Variants in PPFIA1 observed in about 807,000 individuals in gnomAD.
PPFIA1 encodes liprin-alpha-1.
A neutral mutation model predicts 149.9 loss-of-function variants in PPFIA1; 25 were observed. That is an observed-to-expected ratio of 0.17 (90% CI 0.12 to 0.23). PPFIA1 has a LOEUF of 0.23. Ranked by LOEUF, PPFIA1 falls within the 10% of genes least tolerant of loss-of-function variation. The pLI, the probability that PPFIA1 is intolerant of heterozygous loss-of-function variation, is 1.00. For synonymous variants in PPFIA1, 549 were observed against 552.8 expected, an observed-to-expected ratio of 0.99 and a Z score of 0.10; for missense variants, 1,362 against 1,506.5, an observed-to-expected ratio of 0.90 and a Z score of 1.59.
At chr11:70,283,950 A>C (rs1374906419) in intron 2 of PPFIA1, 2 of 519,722 alleles carry the variant, frequency 3.8e-6, no homozygotes, top group African/African-American at 3.9e-5. Context: ...ATAAAGAATC[A>C]GAAGCTTTTC....
chr11:70,363,574 C>T (rs942543542), intron 21 of PPFIA1, among the ~76,000 whole-genome samples: 6 of 152,108 alleles, frequency 3.9e-5, no homozygotes, highest in Non-Finnish European at 8.8e-5. Context: ...AGTGCAGTGG[C>T]TCAATCGTAG....
intron 2 of PPFIA1, among the ~76,000 whole-genome samples, chr11:70,290,204 T>G (rs2051433086): frequency 6.6e-6 from 1 of 152,030 alleles, no homozygotes; most frequent in Non-Finnish European, 1.5e-5. Context: ...CACTCCAGCC[T>G]GGGTGATAGA....
At chr11:70,277,402 T>C (rs993072759) in intron 2 of PPFIA1, among the ~76,000 whole-genome samples, 2 of 152,174 alleles carry the variant, frequency 1.3e-5, no homozygotes. Context: ...TTTATTTAGA[T>C]TTATCCTCTT....
chr11:70,353,125 C>T (rs1408001354), intron 16 of PPFIA1, among the ~76,000 whole-genome samples: 2 of 152,162 alleles, frequency 1.3e-5, no homozygotes, highest in African/African-American at 4.8e-5. Flanking sequence ...GAGCACAGCT[C>T]CATTTTGCAT....
chr11:70,274,061 G>A (rs555844908), intron 2 of PPFIA1, among the ~76,000 whole-genome samples: 1 of 152,278 alleles, frequency 6.6e-6, no homozygotes, highest in African/African-American at 2.4e-5. Flanking sequence ...TAGTTCAGTG[G>A]ATAACATGAT....
intron 2 of PPFIA1, among the ~76,000 whole-genome samples, chr11:70,277,777 A>G (rs1432999092): frequency 6.6e-6 from 1 of 152,114 alleles, no homozygotes; most frequent in Non-Finnish European, 1.5e-5. Context: ...GATGTGAGCC[A>G]CTGCGCCCAG....
chr11:70,343,766 A>G lies in PPFIA1; in HGVS notation c.1805A>G (p.Asp602Gly). The G allele has an allele frequency of 6.2e-7, 1 of 1,614,206 alleles. No homozygotes were observed. The change falls in exon 15 of 28, where the codon GAT becomes GGT. Residue 602 changes from aspartate (D) to glycine (G), a missense_variant. Coordinates refer to ENST00000253925, the MANE Select transcript of PPFIA1 (RefSeq NM_003626.5). ...QAFESDADVS[D>G]GEDDRDTLLS... is the part of the protein sequence containing the mutation. ...TTCGAGAGTGATGCTGACGTGTCTG[A>G]TGGTGAAGATGACAGGGACACTCTC...
At chr11:70,280,230 G>T (rs916865001) in intron 2 of PPFIA1, among the ~76,000 whole-genome samples, 1 of 147,376 alleles carries the variant, frequency 6.8e-6, no homozygotes, top group Non-Finnish European at 1.5e-5. Context: ...ATATATATAC[G>T]TACATACATA....
At chr11:70,297,284 T>C (rs1391935045) in intron 2 of PPFIA1, among the ~76,000 whole-genome samples, 1 of 152,052 alleles carries the variant, frequency 6.6e-6, no homozygotes, top group Non-Finnish European at 1.5e-5. Context: ...TGGTGCGTGC[T>C]TGTAGTCCCA....
intron 15 of PPFIA1, among the ~76,000 whole-genome samples, chr11:70,347,786 G>A (rs1475209847): frequency 5.3e-5 from 8 of 152,006 alleles, no homozygotes; most frequent in Non-Finnish European, 1.2e-4. Context: ...GGCGGATCAC[G>A]AGGTTGGAAG....
intron 11 of PPFIA1, 56 bp downstream of exon 11, chr11:70,335,750 C>T (rs1341119227): frequency 6.3e-7 from 1 of 1,596,126 alleles, no homozygotes; most frequent in Non-Finnish European, 8.6e-7. Context: ...CAAAAGATTG[C>T]TCATCTGCCC....
rs1378669202 is a variant in PPFIA1, at chr11:70,326,309, T to A, written c.654T>A (p.Asp218Glu). The A allele has an allele frequency of 1.2e-6, 2 of 1,609,988 alleles. No individual in the cohort carries two copies. Among genetic ancestry groups the A allele is most frequent in the Non-Finnish European group, 1.7e-6 (2 of 1,177,472 alleles). Residue 218 changes from aspartate to glutamate, a missense_variant, in exon 6 of 28, where the codon GAT (aspartate) becomes GAA (glutamate). By Grantham distance (45) the Asp-to-Glu change is conservative (BLOSUM62 2). Coordinates refer to ENST00000253925, the MANE Select transcript of PPFIA1 (RefSeq NM_003626.5). ...ATAATCAGAAAAAAACTCTAACAGATGGAGTGCTGGACATAAACCATGAAC... is the reference window on the plus strand; with the variant it reads ...ATAATCAGAAAAAAACTCTAACAGAAGGAGTGCTGGACATAAACCATGAAC... Reference protein sequence around the residue: ...EQNNQKKTLTDGVLDINHEQE... With the variant: ...EQNNQKKTLTEGVLDINHEQE...
chr11:70,292,593 G>A (rs2051611650), intron 2 of PPFIA1, among the ~76,000 whole-genome samples: 1 of 152,186 alleles, frequency 6.6e-6, no homozygotes, highest in Non-Finnish European at 1.5e-5. Flanking sequence ...ACCGTCCAGG[G>A]GCTGGGTATA....
chr11:70,359,292 GC>G (rs1255419832), intron 19 of PPFIA1, among the ~76,000 whole-genome samples: 1 of 152,182 alleles, frequency 6.6e-6, no homozygotes, highest in Non-Finnish European at 1.5e-5. Context: ...GGGATTACAG[GC>G]ATGAGCCACC....
At chr11:70,282,918 C>T (rs1357715130) in intron 2 of PPFIA1, among the ~76,000 whole-genome samples, 7 of 148,246 alleles carry the variant, frequency 4.7e-5, no homozygotes, top group Admixed American at 2.1e-4. Context: ...CAGCTCACTG[C>T]AACCTCCATG....
rs754935628 is a variant in PPFIA1, at chr11:70,354,381, C to G, written c.2244C>G (p.Ala748=). 1 of 1,614,084 alleles carries G rather than the reference C, an allele frequency of 6.2e-7. No individual in the cohort carries two copies. Among genetic ancestry groups the G allele is most frequent in the East Asian group, 2.2e-5 (1 of 44,850 alleles). The change falls in exon 17 of 28, where the codon GCC becomes GCG. Residue 748 remains alanine (A), a synonymous_variant. Coordinates refer to ENST00000253925, the MANE Select transcript of PPFIA1 (RefSeq NM_003626.5). ...CCTCCCCGCCTTCCTCCCCGAGAGCCCTTCGGTTAGACCGGCTGCACAAAG... is the reference window on the plus strand; with the variant it reads ...CCTCCCCGCCTTCCTCCCCGAGAGCGCTTCGGTTAGACCGGCTGCACAAAG... ...CETSPPSSPR[A]LRLDRLHKGA...
In PPFIA1 at chr11:70,333,454, C is replaced by T. The variant is rs764743310; in HGVS notation, c.1213-16C>T. On this transcript the variant is annotated splice_polypyrimidine_tract_variant and intron_variant, in intron 9 of 27. Transcript: ENST00000253925. ...AGTGTAAGGATGACGTCAGCGTACG[C>T]TGTTTCTGCTGACAGGCTGAAGAGA... 4 of 1,606,888 alleles carry T rather than the reference C, an allele frequency of 2.5e-6. No homozygotes were observed. The highest frequency in any genetic ancestry group is 1.7e-5 in the Admixed American group (1 of 59,372).
chr11:70,349,025 AG>A (rs1348785966), intron 16 of PPFIA1, among the ~76,000 whole-genome samples: 1 of 152,098 alleles, frequency 6.6e-6, no homozygotes, highest in Admixed American at 6.6e-5. Flanking sequence ...AAAACCACTT[AG>A]CAAAAGTAAA....
chr11:70,350,170 A>T, intron 16 of PPFIA1: 1 of 302,594 alleles, frequency 3.3e-6, no homozygotes, highest in South Asian at 2.7e-5. Context: ...GTATTACTAT[A>T]TAGTAAGTAT....
Sources: allele counts gnomAD v4.1 joint callset (sites outside exome capture counted in the v4.1 genomes callset), GRCh38; gene constraint gnomAD v4.1.1; transcripts MANE v1.5; gene names NCBI Gene and HGNC (gene_info 2026-07-23, HGNC 2026-07-21).